CDC123: variants seen among roughly 807,000 people sequenced by gnomAD.
CDC123 encodes the protein cell division cycle 123, also known as translation initiation factor eIF2 assembly protein.
In CDC123, 37 loss-of-function variants were observed where a neutral mutation model predicts 54.4. That is an observed-to-expected ratio of 0.68 (90% CI 0.52 to 0.89). The LOEUF is 0.89. Among genes scored for constraint, CDC123 ranks in the 40% least tolerant of loss-of-function variants. CDC123 has a pLI of 0.00. For synonymous variants in CDC123, 144 were observed against 136.8 expected, an observed-to-expected ratio of 1.05 and a Z score of -0.37; for missense variants, 361 against 412.1, an observed-to-expected ratio of 0.88 and a Z score of 1.07.
chr10:12,246,002 C>T (rs188515137), intron 10 of CDC123, 147 bp from the exon 11 acceptor site: 9 of 760,758 alleles, frequency 1.2e-5, no homozygotes, highest in East Asian at 2.7e-5. Flanking sequence ...CCCAGGAGGT[C>T]GAGGCTGCAG....
intron 10 of CDC123, among the ~76,000 whole-genome samples, chr10:12,242,191 G>A (rs1160261293): frequency 6.6e-6 from 1 of 152,136 alleles, no homozygotes; most frequent in Non-Finnish European, 1.5e-5. Flanking sequence ...GAGAGCCGTC[G>A]TTCTTGTTAA....
rs768409186 is a variant in CDC123, at chr10:12,246,130, TTC to T, written c.718-11_718-10del. 12 of 1,605,956 alleles carry T rather than the reference TTC, an allele frequency of 7.5e-6. No homozygotes were observed. The South Asian group carries it at 8.9e-5, about 12-fold the overall frequency. The stretch of plus-strand genomic sequence containing the variant: ...TACAGAAGATGTTTGTTTTTGTTTT[TTC>T]TCTCTCTGTGCTACAGGGGAAGGTG... On this transcript the variant is annotated splice_polypyrimidine_tract_variant and intron_variant, in intron 10 of 12. Transcript: ENST00000281141.
At chr10:12,235,308 A>G (rs1212610812) in intron 8 of CDC123, among the ~76,000 whole-genome samples, 185 bp downstream of exon 8, 1 of 152,214 alleles carries the variant, frequency 6.6e-6, no homozygotes, top group East Asian at 1.9e-4. Context: ...TCCTGAGCCC[A>G]GAGTCACTTG....
At chr10:12,216,673 T>C (rs1446250987) in intron 5 of CDC123, among the ~76,000 whole-genome samples, 1 of 152,198 alleles carries the variant, frequency 6.6e-6, no homozygotes, top group Non-Finnish European at 1.5e-5. Flanking sequence ...TGGATAGTGG[T>C]TTGCAACTGT....
intron 11 of CDC123, chr10:12,247,674 C>G (rs969852239): frequency 1.3e-5 from 2 of 152,340 alleles, no homozygotes; most frequent in African/African-American, 4.8e-5. Context: ...GTTTCTTCAC[C>G]CAGCCACTCT....
Position 12,246,152 on chromosome 10 carries a change from A to G in CDC123, c.721A>G (p.Lys241Glu), listed in dbSNP as rs202198297. 144 of 1,613,596 alleles carry G rather than the reference A, an allele frequency of 8.9e-5. No individual in the cohort carries two copies. Among genetic ancestry groups the G allele is most frequent in the Middle Eastern group, 6.6e-4 (4 of 6,054 alleles). ...VFDIYRDSRG[K>E]VWLIDFNPFG... ...TTTTTCTCTCTCTGTGCTACAGGGG[A>G]AGGTGTGGCTCATTGACTTTAATCC... The change falls in exon 11 of 13, where the codon AAG becomes GAG. Residue 241 changes from lysine to glutamate, a missense_variant. Physicochemically the swap from Lys to Glu is moderately conservative, Grantham distance 56. Coordinates refer to ENST00000281141, the MANE Select transcript of CDC123 (RefSeq NM_006023.3).
At chr10:12,234,827 C>G (rs572857676) in intron 7 of CDC123, among the ~76,000 whole-genome samples, 73 of 146,898 alleles carry the variant, frequency 5.0e-4, no homozygotes, top group African/African-American at 1.8e-3. Context: ...GATCTTGGCT[C>G]TCTGCAACCT....
Position 12,220,743 on chromosome 10 carries a change from C to T in CDC123, c.440+3276C>T, listed in dbSNP as rs780004092. Among the ~76,000 whole-genome samples, 9 of 152,068 alleles carry T rather than the reference C, an allele frequency of 5.9e-5. No homozygotes were observed. In the South Asian group the frequency reaches 6.2e-4, roughly 10 times the overall value. ...CTGTAATCCCAGCACTTTGGGAGGC[C>T]GAGGTGGGCGGATCATGAGGTCAGG... On this transcript the variant is annotated intron_variant, in intron 6 of 12. Transcript: ENST00000281141.
chr10:12,215,922 T>C lies in CDC123; in HGVS notation c.333+87T>C. The C allele has an allele frequency of 5.5e-6, 4 of 728,352 alleles. No individual in the cohort carries two copies. In the South Asian group the frequency reaches 8.6e-5, roughly 16 times the overall value. The allele number at this position is 728,352 out of a possible 1,614,324, so 45.1% of individuals were successfully genotyped here. ...TTTCATATCCCTACAGAGGGTCTAATTATATTCCTAATTCTAGGAAAAATA... is the reference window on the plus strand; with the variant it reads ...TTTCATATCCCTACAGAGGGTCTAACTATATTCCTAATTCTAGGAAAAATA... On this transcript the variant is annotated intron_variant, in intron 5 of 12. Transcript: ENST00000281141.
chr10:12,250,218 T>A (rs1199162270), intron 12 of CDC123, 93 bp from the exon 13 acceptor site: 7 of 713,724 alleles, frequency 9.8e-6, no homozygotes, highest in Non-Finnish European at 4.6e-6. Flanking sequence ...TTTAATTACA[T>A]CCTTTGCCAA....
intron 6 of CDC123, among the ~76,000 whole-genome samples, chr10:12,230,052 G>A (rs1458287168): frequency 6.6e-6 from 1 of 152,116 alleles, no homozygotes; most frequent in East Asian, 1.9e-4. Context: ...CTGGGTGTTA[G>A]TTTCTTTGCC....
intron 5 of CDC123, 96 bp downstream of exon 5, chr10:12,215,931 T>G: frequency 1.5e-6 from 1 of 673,820 alleles, no homozygotes; most frequent in South Asian, 2.4e-5. Flanking sequence ...ATTATATTCC[T>G]AATTCTAGGA....
intron 1 of CDC123, among the ~76,000 whole-genome samples, chr10:12,198,503 A>G (rs1474319658): frequency 6.6e-6 from 1 of 152,224 alleles, no homozygotes; most frequent in African/African-American, 2.4e-5. Context: ...TGTTTACTAC[A>G]AAGACCATTG....
At position 12,217,366 on chromosome 10, in the gene CDC123, G is replaced by C. The variant is rs754563359; in HGVS notation, c.339G>C (p.Ala113=). 3 of 1,612,502 alleles carry C rather than the reference G, an allele frequency of 1.9e-6. No individual in the cohort carries two copies. In the African/African-American group the frequency reaches 4.0e-5, roughly 22 times the overall value. ...GCATGTGCTTCATTCTTTAGGATGC[G>C]TATTGGATAGCAATGAATAGTTCTC... is the stretch of plus-strand genomic sequence containing the variant. ...PKLNWSAPRD[A]YWIAMNSSLK... Residue 113 remains alanine (A), a synonymous_variant, in exon 6 of 13, where the codon GCG becomes GCC. Transcript: ENST00000281141.
chr10:12,216,010 C>A (rs538466825), intron 5 of CDC123, among the ~76,000 whole-genome samples, 175 bp downstream of exon 5: 165 of 152,184 alleles, frequency 1.1e-3, no homozygotes, highest in African/African-American at 3.9e-3. Flanking sequence ...TATACACTTG[C>A]CTGGGTCTGT....
intron 10 of CDC123, chr10:12,245,660 G>A (rs983868515): frequency 2.6e-5 from 4 of 152,414 alleles, no homozygotes; most frequent in African/African-American, 9.7e-5. Context: ...TTCATTCACA[G>A]GGGGCCCTCC....
chr10:12,225,724 CTT>C (rs759932378), intron 6 of CDC123, among the ~76,000 whole-genome samples: 1 of 85,638 alleles, frequency 1.2e-5, no homozygotes. Context: ...TGACTTTTCT[CTT>C]TTTTTTTTCT....
chr10:12,209,923 G>A, intron 2 of CDC123, 44 bp from the exon 3 acceptor site: 1 of 1,592,986 alleles, frequency 6.3e-7, no homozygotes, highest in South Asian at 1.1e-5. Context: ...AGCATGCGGT[G>A]CCCAAGTCCT....
rs77879914 is a variant in CDC123 at position 12,224,897 on chromosome 10, G to A, written c.441-6051G>A. Among the ~76,000 whole-genome samples the A allele has an allele frequency of 6.1e-3, 922 of 152,224 alleles. 10 individuals carry two copies. The highest frequency in any genetic ancestry group is 0.021 in the African/African-American group (883 of 41,534). Reference sequence around the variant, plus strand: ...TAGGGTAGCCAGACTGAGTTTTCTAGCTGAAGCTGCGGCCCTGAAGGCTAT... The same window carrying A: ...TAGGGTAGCCAGACTGAGTTTTCTAACTGAAGCTGCGGCCCTGAAGGCTAT... On this transcript the variant is annotated intron_variant, in intron 6 of 12. Transcript: ENST00000281141.
Sources: gnomAD v4.1 joint callset for allele counts (sites outside exome capture counted in the v4.1 genomes callset) on GRCh38, gnomAD v4.1.1 for gene constraint, MANE v1.5 for transcripts, NCBI Gene and HGNC (gene_info 2026-07-23, HGNC 2026-07-21) for gene names.